Variants in SPTBN1 observed in about 807,000 individuals in gnomAD.
SPTBN1 encodes the protein spectrin beta chain, non-erythrocytic 1.
A neutral mutation model predicts 266.4 loss-of-function variants in SPTBN1; 32 were observed. That is an observed-to-expected ratio of 0.12 (90% CI 0.09 to 0.16). The LOEUF (loss-of-function observed/expected upper bound fraction) is 0.16, where lower values mean the gene tolerates loss of function less well. Ranked by LOEUF, SPTBN1 falls within the 10% of genes least tolerant of loss-of-function variation. SPTBN1 has a pLI of 1.00. For missense variants in SPTBN1, 2,296 were observed against 3,067.1 expected, an observed-to-expected ratio of 0.75 and a Z score of 5.94; for synonymous variants, 1,336 against 1,162.2, an observed-to-expected ratio of 1.15 and a Z score of -3.04.
intron 7 of SPTBN1, among the ~76,000 whole-genome samples, chr2:54,620,210 A>G (rs2103857342): frequency 6.6e-6 from 1 of 152,326 alleles, no homozygotes; most frequent in African/African-American, 2.4e-5. Context: ...TGGGGACTGA[A>G]TTTTGTAAGG....
intron 1 of SPTBN1, among the ~76,000 whole-genome samples, chr2:54,491,014 T>C (rs1487225049): frequency 6.6e-6 from 1 of 152,154 alleles, no homozygotes; most frequent in East Asian, 1.9e-4. Context: ...TTAGTCAAGC[T>C]TGTGTGTTCT....
chr2:54,599,476 C>T (rs1676331387), intron 3 of SPTBN1, among the ~76,000 whole-genome samples: 1 of 152,158 alleles, frequency 6.6e-6, no homozygotes, highest in Admixed American at 6.5e-5. Flanking sequence ...AAGGTTGCCA[C>T]CTTTGGTCAG....
chr2:54,612,888 G>A (rs901575933), intron 4 of SPTBN1, among the ~76,000 whole-genome samples: 2 of 152,174 alleles, frequency 1.3e-5, no homozygotes, highest in African/African-American at 4.8e-5. Context: ...AATTGATGAT[G>A]CTTTATGGGT....
chr2:54,660,513 T>C (rs1572776295), intron 32 of SPTBN1: 2 of 986,530 alleles, frequency 2.0e-6, no homozygotes, highest in Non-Finnish European at 1.2e-6. Context: ...GGAAGACTGG[T>C]GTATGAGGAG....
Position 54,648,892 on chromosome 2 carries a change from T to C in SPTBN1, c.4998-94T>C, listed in dbSNP as rs1030866329. On this transcript the variant is annotated intron_variant, in intron 24 of 35. Transcript: ENST00000356805. ...TTCCTTTGAGAAATATGATGTAATA[T>C]GCTCTCCCATTATCTCCACCTCATT... The C allele has an allele frequency of 2.6e-6, 3 of 1,152,876 alleles. No homozygotes were observed. In the African/African-American group the frequency reaches 4.6e-5, roughly 18 times the overall value. 71.4% of individuals were successfully genotyped at this position (1,152,876 alleles called of 1,614,324 possible).
At chr2:54,530,471 G>GCCTCAGC (rs1389706407) in intron 2 of SPTBN1, among the ~76,000 whole-genome samples, 1 of 135,702 alleles carries the variant, frequency 7.4e-6, no homozygotes, top group Non-Finnish European at 1.5e-5. Context: ...CCATTCTGCT[G>GCCTCAGC]CCTCAGCCTC....
intron 1 of SPTBN1, among the ~76,000 whole-genome samples, chr2:54,494,721 G>C (rs969214794): frequency 6.6e-6 from 1 of 152,162 alleles, no homozygotes; most frequent in Non-Finnish European, 1.5e-5. Context: ...TCGTCTGGAG[G>C]TGGAGAATAA....
Position 54,629,995 on chromosome 2 carries a change from G to A in SPTBN1, c.2773G>A (p.Glu925Lys), listed in dbSNP as rs774613691. 39 of 1,614,004 alleles carry A rather than the reference G, an allele frequency of 2.4e-5. No individual in the cohort carries two copies. The highest frequency in any genetic ancestry group is 1.1e-4 in the South Asian group (10 of 91,082). The change falls in exon 15 of 36, where the codon GAA becomes AAA. Residue 925 changes from glutamate (E) to lysine (K), a missense_variant. Transcript: ENST00000356805. ...LMHSGHPSEK[E>K]IKAQQDKLNT... ...GCACAGCGGCCACCCAAGTGAGAAG[G>A]AAATCAAAGCCCAGCAGGACAAACT... is the stretch of plus-strand genomic sequence containing the variant.
In SPTBN1 at chr2:54,630,046, C is replaced by G. The variant is rs1678628694; in HGVS notation, c.2807+17C>G. On this transcript the variant is annotated intron_variant, in intron 15 of 35. Transcript: ENST00000356805. The stretch of plus-strand genomic sequence containing the variant: ...CAACACAAGGTGAGCACGTGGCCAG[C>G]AGTGTGCCAGCCTCCCACGTGTGGG... 6.2e-7 allele frequency: 1 copy of G among 1,610,374 alleles called. No individual in the cohort carries two copies.
At chr2:54,477,524 A>T (rs1667898033) in intron 1 of SPTBN1, among the ~76,000 whole-genome samples, 1 of 151,880 alleles carries the variant, frequency 6.6e-6, no homozygotes, top group Admixed American at 6.6e-5. Context: ...ACAGGTGCGA[A>T]GGACAATTGC....
Position 54,670,074 on chromosome 2 carries a change from A to G in SPTBN1, c.*1505A>G, listed in dbSNP as rs1458412140. 2.6e-5 allele frequency: 4 copies of G among 152,242 alleles called. No homozygotes were observed. The highest frequency in any genetic ancestry group is 2.9e-5 in the Non-Finnish European group (2 of 68,054). The allele number at this position is 152,242 out of a possible 1,614,324, so 9.4% of individuals were successfully genotyped here. A position where few individuals can be genotyped will look rare whatever the true frequency, so the allele number is the denominator to read the frequency against. ...ATTGACGGTATGTGAATGCCTGGGC[A>G]TGGCTGTGTTCCAGTAAAACTATTT... is the stretch of plus-strand genomic sequence containing the variant. On this transcript the variant is annotated 3_prime_UTR_variant, in exon 36 of 36. Transcript: ENST00000356805.
chr2:54,648,947 A>G (rs772616736), intron 24 of SPTBN1, 39 bp from the exon 25 acceptor site: 11 of 1,518,050 alleles, frequency 7.2e-6, no homozygotes, highest in Non-Finnish European at 8.9e-6. Flanking sequence ...CTTGACATTT[A>G]AGATCCTTTT....
chr2:54,472,714 G>T (rs73932847), intron 1 of SPTBN1, among the ~76,000 whole-genome samples: 2,090 of 152,148 alleles, frequency 0.014, 49 homozygotes, highest in African/African-American at 0.048. Flanking sequence ...GTGGGGCTGG[G>T]GCTGCCTGTG....
At chr2:54,610,950 A>AT (rs1677166745) in intron 3 of SPTBN1, among the ~76,000 whole-genome samples, 1 of 152,244 alleles carries the variant, frequency 6.6e-6, no homozygotes, top group African/African-American at 2.4e-5. Flanking sequence ...CATCATAGGC[A>AT]TTTTAAGTAG....
In SPTBN1 at chr2:54,645,525, C is replaced by A; in HGVS notation, c.4494+72C>A. The A allele has an allele frequency of 6.6e-7, 1 of 1,507,220 alleles. No individual in the cohort carries two copies. The allele number at this position is 1,507,220 out of a possible 1,614,324, so 93.4% of individuals were successfully genotyped here. On this transcript the variant is annotated intron_variant, in intron 21 of 35. Transcript: ENST00000356805. The surrounding 1 kb of genome is among the most constrained non-coding windows in gnomAD (Gnocchi z 4.3). Reference sequence around the variant, plus strand: ...GCCTGTGCTAAAGCCCACATTCTCACTTCTCAGTCATCCTCACCTTGGGCC... The same window carrying A: ...GCCTGTGCTAAAGCCCACATTCTCAATTCTCAGTCATCCTCACCTTGGGCC...
In SPTBN1 at chr2:54,647,224, A is replaced by G. The variant is rs780080283; in HGVS notation, c.4960A>G (p.Thr1654Ala). ...YAETVHQLSK[T>A]SRALVADSHP... ...AGAGACCGTGCATCAGCTCTCCAAG[A>G]CCAGCCGGGCCCTGGTGGCCGACAG... Residue 1654 changes from threonine to alanine, a missense_variant, in exon 24 of 36, where the codon ACC becomes GCC. By Grantham distance (58) the Thr-to-Ala change is moderately conservative. This residue lies in a region of SPTBN1 where 644 missense variants were observed against 745.3 expected (regional missense o/e 0.86). Coordinates refer to ENST00000356805, the MANE Select transcript of SPTBN1 (RefSeq NM_003128.3). 6.2e-7 allele frequency: 1 copy of G among 1,613,956 alleles called. No individual in the cohort carries two copies. The highest frequency in any genetic ancestry group is 8.5e-7 in the Non-Finnish European group (1 of 1,180,038).
intron 2 of SPTBN1, among the ~76,000 whole-genome samples, chr2:54,565,053 T>G (rs1293340680): frequency 6.6e-6 from 1 of 152,184 alleles, no homozygotes; most frequent in African/African-American, 2.4e-5. Flanking sequence ...CATCTGGGAA[T>G]TGGCTAGAAA....
chr2:54,652,876 C>T (rs1046846659), intron 26 of SPTBN1: 36 of 111,400 alleles, frequency 3.2e-4, no homozygotes, highest in African/African-American at 1.3e-3. Context: ...TGGTTTTTTT[C>T]TTTTCTTTCT....
intron 1 of SPTBN1, among the ~76,000 whole-genome samples, chr2:54,479,979 T>A (rs1668020033): frequency 6.6e-6 from 1 of 152,150 alleles, no homozygotes; most frequent in South Asian, 2.1e-4. Flanking sequence ...TTTAATAACA[T>A]TAATATTTAC....
Sources: allele counts gnomAD v4.1 joint callset (sites outside exome capture counted in the v4.1 genomes callset), GRCh38; gene constraint gnomAD v4.1.1; regional missense constraint gnomAD v4.1.1; non-coding constraint Gnocchi (gnomAD v3.1); transcripts MANE v1.5; gene names NCBI Gene and HGNC (gene_info 2026-07-23, HGNC 2026-07-21).